SSH2: variants seen among roughly 807,000 people sequenced by gnomAD.
SSH2 encodes slingshot protein phosphatase 2.
A neutral mutation model predicts 135.2 loss-of-function variants in SSH2; 37 were observed. The observed-to-expected ratio is 0.27, with a 90% CI of 0.21 to 0.36. SSH2 has a LOEUF of 0.36. SSH2 is among the 10% of genes least tolerant of loss of function. The probability of loss-of-function intolerance (pLI) is 1.00; values close to 1 mark genes in which losing one functional copy is unlikely to be tolerated. For synonymous variants in SSH2, 628 were observed against 646.2 expected (o/e 0.97, Z 0.43); for missense variants, 1,408 against 1,765.3 (o/e 0.80, Z 3.63).
intron 3 of SSH2, among the ~76,000 whole-genome samples, chr17:29,739,535 T>C (rs547146063): frequency 6.6e-6 from 1 of 152,312 alleles, no homozygotes; most frequent in African/African-American, 2.4e-5. Context: ...AAGAAAACTT[T>C]GAATCAGGCT....
chr17:29,789,533 T>C (rs946310027), intron 3 of SSH2, among the ~76,000 whole-genome samples: 1 of 152,182 alleles, frequency 6.6e-6, no homozygotes, highest in African/African-American at 2.4e-5. Flanking sequence ...CCAAAGGCAA[T>C]TCAGTGATGA....
chr17:29,703,125 A>G, intron 3 of SSH2, 63 bp from the exon 4 acceptor site: 1 of 1,166,678 alleles, frequency 8.6e-7, no homozygotes, highest in Non-Finnish European at 1.3e-6. Flanking sequence ...AGTAGGATGG[A>G]TAACCACTTT....
At position 29,667,015 on chromosome 17, in the gene SSH2, T is replaced by G. The variant is rs1020708084; in HGVS notation, c.904-20A>C. 2 of 1,614,052 alleles carry G rather than the reference T, an allele frequency of 1.2e-6. No individual in the cohort carries two copies. The highest frequency in any genetic ancestry group is 1.7e-6 in the Non-Finnish European group (2 of 1,179,968). ...TCTTATCTGAAACAAAGATGATATA[T>G]TGGACCCATCTCTTAAAGTCCCTCT... On this transcript the variant is annotated intron_variant, in intron 10 of 15. Transcript: ENST00000540801.
chr17:29,708,314 G>A (rs1372363764), intron 3 of SSH2, among the ~76,000 whole-genome samples: 1 of 152,056 alleles, frequency 6.6e-6, no homozygotes, highest in Non-Finnish European at 1.5e-5. Context: ...CTTGCTAGGC[G>A]TGGTGGCTCA....
chr17:29,667,565 GCTAA>G (rs2037331069), intron 9 of SSH2, among the ~76,000 whole-genome samples: 1 of 152,200 alleles, frequency 6.6e-6, no homozygotes, highest in African/African-American at 2.4e-5. Context: ...CTTATGAGAA[GCTAA>G]CTAACGCCTG....
At chr17:29,717,538 G>C (rs916923820) in intron 3 of SSH2, among the ~76,000 whole-genome samples, 16 of 152,222 alleles carry the variant, frequency 1.1e-4, no homozygotes, top group African/African-American at 3.9e-4. Context: ...ATGAGCAGTG[G>C]CTGCCATTTT....
intron 1 of SSH2, among the ~76,000 whole-genome samples, chr17:29,874,103 G>A (rs2151424171): frequency 6.6e-6 from 1 of 152,146 alleles, no homozygotes; most frequent in South Asian, 2.1e-4. Flanking sequence ...GACTAGCCTG[G>A]GCAACATGGC....
Position 29,913,362 on chromosome 17 carries a change from A to AAAAAAAAAAAAAT in SSH2, c.63+16575_63+16576insATTTTTTTTTTTT. 2.2e-5 allele frequency among the ~76,000 whole-genome samples: 2 copies of AAAAAAAAAAAAAT among 91,408 alleles called. 1 individual carries two copies. The highest frequency in any genetic ancestry group is 8.6e-4 in the South Asian group (2 of 2,320). 60.0% of individuals were successfully genotyped at this position (91,408 alleles called of 152,430 possible). On this transcript the variant is annotated intron_variant, in intron 1 of 15. Coordinates refer to ENST00000540801, the MANE Select transcript of SSH2 (RefSeq NM_001282129.2). ...AAAAAAAAAAAATATATATATATAT[A>AAAAAAAAAAAAAT]TATATATATATATATATATATCCAA...
chr17:29,628,528 C>A lies in SSH2; in HGVS notation c.*2313G>T, dbSNP rs534020123. The A allele has an allele frequency of 6.6e-6, 1 of 152,232 alleles. No homozygotes were observed. The highest frequency in any genetic ancestry group is 1.9e-4 in the East Asian group (1 of 5,172). 9.4% of individuals were successfully genotyped at this position (152,232 alleles called of 1,614,324 possible). A position where few individuals can be genotyped will look rare whatever the true frequency, so the allele number is the denominator to read the frequency against. On this transcript the variant is annotated 3_prime_UTR_variant, in exon 16 of 16. Coordinates refer to ENST00000540801, the MANE Select transcript of SSH2 (RefSeq NM_001282129.2). The stretch of plus-strand genomic sequence containing the variant: ...CTCTTAACTTCCAGGCAAACCCTCT[C>A]CCCACCCTGCCATAAGTTCCTGCCC...
chr17:29,649,398 AGT>A (rs1491366106), intron 13 of SSH2, among the ~76,000 whole-genome samples: 1 of 151,688 alleles, frequency 6.6e-6, no homozygotes, highest in Non-Finnish European at 1.5e-5. Context: ...AAATGAGACA[AGT>A]TTTTTTTTTT....
intron 2 of SSH2, among the ~76,000 whole-genome samples, chr17:29,811,265 G>T (rs893864864): frequency 1.3e-5 from 2 of 151,884 alleles, no homozygotes; most frequent in Non-Finnish European, 2.9e-5. Flanking sequence ...CAAAATGCTG[G>T]GATTACAAGT....
chr17:29,725,144 G>T (rs1201954022), intron 3 of SSH2, among the ~76,000 whole-genome samples: 1 of 150,894 alleles, frequency 6.6e-6, no homozygotes, highest in Non-Finnish European at 1.5e-5. Context: ...TTAGGAGATC[G>T]AGACCATTCT....
rs1555595929 is a variant in SSH2 at position 29,630,824 on chromosome 17, C to A, written c.*17G>T. 13 of 1,517,274 alleles carry A rather than the reference C, an allele frequency of 8.6e-6. No homozygotes were observed. The South Asian group carries it at 1.7e-4, about 20-fold the overall frequency. 94.0% of individuals were successfully genotyped at this position (1,517,274 alleles called of 1,614,324 possible). ...TACAAACATTTCTTCTAGAAAGTCA[C>A]ATGTGTAGGCTCAGAATCACATGGT... is the stretch of plus-strand genomic sequence containing the variant. On this transcript the variant is annotated 3_prime_UTR_variant, in exon 16 of 16. Coordinates refer to ENST00000540801, the MANE Select transcript of SSH2 (RefSeq NM_001282129.2).
At chr17:29,834,327 A>G (rs1031866402) in intron 2 of SSH2, among the ~76,000 whole-genome samples, 5 of 152,178 alleles carry the variant, frequency 3.3e-5, no homozygotes, top group Non-Finnish European at 5.9e-5. Flanking sequence ...GCAGGTAACA[A>G]AGAAATGATG....
chr17:29,690,733 T>A (rs2038432769), intron 5 of SSH2, among the ~76,000 whole-genome samples: 4 of 152,286 alleles, frequency 2.6e-5, no homozygotes, highest in African/African-American at 9.6e-5. Flanking sequence ...AATTTTTTTT[T>A]AAATCAGTCT....
At chr17:29,829,311 G>A (rs1232053817) in intron 2 of SSH2, among the ~76,000 whole-genome samples, 1 of 152,144 alleles carries the variant, frequency 6.6e-6, no homozygotes, top group East Asian at 1.9e-4. Context: ...CAGAAGAAAA[G>A]TAACTTAACT....
At chr17:29,839,671 CT>C (rs1181016274) in intron 2 of SSH2, among the ~76,000 whole-genome samples, 1 of 152,146 alleles carries the variant, frequency 6.6e-6, no homozygotes, top group African/African-American at 2.4e-5. Context: ...GAACAAGAAA[CT>C]TCCTAAAGTG....
At chr17:29,841,411 C>T (rs1234515680) in intron 2 of SSH2, among the ~76,000 whole-genome samples, 1 of 152,088 alleles carries the variant, frequency 6.6e-6, no homozygotes, top group Non-Finnish European at 1.5e-5. Context: ...ACCCTTTATA[C>T]CTTATGGAAA....
intron 2 of SSH2, among the ~76,000 whole-genome samples, chr17:29,800,808 A>T (rs1383417533): frequency 1.3e-5 from 2 of 151,774 alleles, no homozygotes; most frequent in Admixed American, 1.3e-4. Flanking sequence ...ACCTAGAAAC[A>T]GTAAGGTATT....
Sources: gnomAD v4.1 joint callset for allele counts (sites outside exome capture counted in the v4.1 genomes callset) on GRCh38, gnomAD v4.1.1 for gene constraint, MANE v1.5 for transcripts, NCBI Gene and HGNC (gene_info 2026-07-23, HGNC 2026-07-21) for gene names.